The following AGBL4 variants were observed in gnomAD, a reference collection of about 807,000 sequenced individuals.
The protein encoded by AGBL4 is cytosolic carboxypeptidase 6.
Under a neutral mutation model 66.4 loss-of-function variants are expected in AGBL4, and 58 were observed. The observed-to-expected ratio is 0.87, with a 90% CI of 0.71 to 1.09. The LOEUF (loss-of-function observed/expected upper bound fraction) is 1.09, where lower values mean the gene tolerates loss of function less well. Among genes scored for constraint, AGBL4 ranks in the 50% least tolerant of loss-of-function variants. The pLI is 0.00. For synonymous variants in AGBL4, 234 were observed against 222.9 expected (o/e 1.05, Z -0.44); for missense variants, 579 against 631.0 (o/e 0.92, Z 0.88).
chr1:48,893,121 G>T (rs747329793), intron 5 of AGBL4, among the ~76,000 whole-genome samples: 1 of 152,062 alleles, frequency 6.6e-6, no homozygotes, highest in Non-Finnish European at 1.5e-5. Flanking sequence ...ACACATACTT[G>T]CCTGACAGCT....
intron 3 of AGBL4, among the ~76,000 whole-genome samples, chr1:49,439,559 G>A (rs781573028): frequency 1.5e-4 from 23 of 152,256 alleles, no homozygotes; most frequent in Non-Finnish European, 2.6e-4. Context: ...GCGAAGTACC[G>A]ATCCTGGGTG....
chr1:49,645,505 T>C (rs2124424400), intron 3 of AGBL4, among the ~76,000 whole-genome samples: 2 of 151,594 alleles, frequency 1.3e-5, no homozygotes, highest in South Asian at 4.1e-4. Context: ...AAGAAACAGA[T>C]AACCTGAATA....
intron 5 of AGBL4, among the ~76,000 whole-genome samples, chr1:49,016,783 G>T (rs1662859452): frequency 6.6e-6 from 1 of 152,200 alleles, no homozygotes; most frequent in Admixed American, 6.5e-5. Context: ...CTGTCATTCT[G>T]CACATTGCCA....
chr1:48,945,845 T>G (rs975250941), intron 5 of AGBL4, among the ~76,000 whole-genome samples: 10 of 152,202 alleles, frequency 6.6e-5, no homozygotes, highest in Admixed American at 2.6e-4. Context: ...TGTGTGATCA[T>G]GGGAAATTAC....
At chr1:49,675,721 GTA>G (rs1470498032) in intron 3 of AGBL4, among the ~76,000 whole-genome samples, 2 of 151,994 alleles carry the variant, frequency 1.3e-5, no homozygotes, top group Admixed American at 1.3e-4. Flanking sequence ...TCTTAATATT[GTA>G]TCTGTATCTA....
At chr1:49,097,703 C>T (rs139822121) in intron 4 of AGBL4, among the ~76,000 whole-genome samples, 4,255 of 152,332 alleles carry the variant, frequency 0.028, 71 homozygotes, top group Non-Finnish European at 0.043. Flanking sequence ...GCCTCAGCCT[C>T]CGGAGTAGCT....
At chr1:48,993,554 C>T (rs1424539287) in intron 5 of AGBL4, among the ~76,000 whole-genome samples, 1 of 152,164 alleles carries the variant, frequency 6.6e-6, no homozygotes. Flanking sequence ...GACCCCGGAA[C>T]AGCACTAGGA....
chr1:48,783,340 TG>T (rs1645340768), intron 6 of AGBL4, among the ~76,000 whole-genome samples: 1 of 151,974 alleles, frequency 6.6e-6, no homozygotes, highest in Non-Finnish European at 1.5e-5. Context: ...AGTCTGCTTG[TG>T]GGATTTTGGG....
At chr1:49,145,005 G>T (rs1646189772) in intron 4 of AGBL4, among the ~76,000 whole-genome samples, 1 of 152,136 alleles carries the variant, frequency 6.6e-6, no homozygotes, top group African/African-American at 2.4e-5. Flanking sequence ...AGGTAAGAAA[G>T]ACAGGATGGG....
intron 5 of AGBL4, among the ~76,000 whole-genome samples, chr1:48,872,662 AAAACAAACAAAC>A (rs750256217): frequency 2.6e-5 from 4 of 152,090 alleles, no homozygotes; most frequent in African/African-American, 9.7e-5. Flanking sequence ...AAAAACAAAC[AAAACAAACAAAC>A]AAACAAACAA....
intron 3 of AGBL4, among the ~76,000 whole-genome samples, chr1:49,381,819 G>A (rs987682647): frequency 1.4e-5 from 2 of 145,144 alleles, no homozygotes; most frequent in South Asian, 4.4e-4. Flanking sequence ...ACACTGGAAG[G>A]GGAACATCAC....
In AGBL4 at chr1:48,561,636, G is replaced by A. The variant is rs866584109; in HGVS notation, c.1268-21898C>T. Among the ~76,000 whole-genome samples, 11 of 152,356 alleles carry A rather than the reference G, an allele frequency of 7.2e-5. No individual in the cohort carries two copies. The Middle Eastern group carries it at 0.014, about 188-fold the overall frequency. ...AAGGAGATTGCCCTCCCTGATATGG[G>A]TGGGCCTCATCCAATCAGTTGAAGA... On this transcript the variant is annotated intron_variant, in intron 11 of 13. Coordinates refer to ENST00000371839, the MANE Select transcript of AGBL4 (RefSeq NM_032785.4).
chr1:49,205,896 C>T (rs1292778175), intron 4 of AGBL4, among the ~76,000 whole-genome samples: 2 of 152,050 alleles, frequency 1.3e-5, no homozygotes, highest in Admixed American at 6.6e-5. Flanking sequence ...CTTCCAGGGA[C>T]CCAATATCTT....
chr1:48,657,778 TC>T (rs1290865134), intron 7 of AGBL4, among the ~76,000 whole-genome samples: 1 of 152,196 alleles, frequency 6.6e-6, no homozygotes, highest in Non-Finnish European at 1.5e-5. Context: ...AGATTAAGTT[TC>T]TGGCCCCTGG....
intron 9 of AGBL4, among the ~76,000 whole-genome samples, chr1:48,617,854 G>C (rs144289103): frequency 6.6e-6 from 1 of 152,176 alleles, no homozygotes; most frequent in African/African-American, 2.4e-5. Context: ...ATGGTGGTCT[G>C]AGAGGGGACC....
downstream of AGBL4, among the ~76,000 whole-genome samples, chr1:48,532,416 A>G (rs1239530195): frequency 6.6e-6 from 1 of 152,174 alleles, no homozygotes; most frequent in East Asian, 1.9e-4. Context: ...CCTGGCTCCA[A>G]GTTTTTGCTC....
intron 4 of AGBL4, among the ~76,000 whole-genome samples, chr1:49,140,357 T>C (rs1158094142): frequency 1.3e-5 from 2 of 152,222 alleles, no homozygotes; most frequent in Admixed American, 6.5e-5. Context: ...GGCAAAGAAC[T>C]AACAAATTCA....
Position 48,639,076 on chromosome 1 carries a change from T to G in AGBL4, c.840-4472A>C, listed in dbSNP as rs551748982. On this transcript the variant is annotated intron_variant, in intron 8 of 13. Transcript: ENST00000371839. Reference sequence around the variant, plus strand: ...CTGATTCAAAAAAGAACTTCAAAACTGAAGGAAAATTGTTAGAGGTCAGAG... The same window carrying G: ...CTGATTCAAAAAAGAACTTCAAAACGGAAGGAAAATTGTTAGAGGTCAGAG... 3.9e-5 allele frequency among the ~76,000 whole-genome samples: 6 copies of G among 152,190 alleles called. No homozygotes were observed. The South Asian group carries it at 1.2e-3, about 32-fold the overall frequency.
rs369114793 is a variant in AGBL4, at chr1:49,761,884, C to T, written c.158-64447G>A. On this transcript the variant is annotated intron_variant, in intron 2 of 13. Transcript: ENST00000371839. ...CTCACCCTTTCCCAGTCTCTGGTGC[C>T]CATTGTTCTACTCTCTATTTCTATA... Among the ~76,000 whole-genome samples the T allele has an allele frequency of 9.9e-5, 15 of 152,226 alleles. 1 individual carries two copies. Among genetic ancestry groups the T allele is most frequent in the African/African-American group, 3.6e-4 (15 of 41,528 alleles).
Sources: gnomAD v4.1 joint callset for allele counts (sites outside exome capture counted in the v4.1 genomes callset) on GRCh38, gnomAD v4.1.1 for gene constraint, MANE v1.5 for transcripts, NCBI Gene and HGNC (gene_info 2026-07-23, HGNC 2026-07-21) for gene names.